The following MTDH variants were observed in gnomAD, a reference collection of about 807,000 sequenced individuals.
MTDH encodes the protein protein LYRIC.
A neutral mutation model predicts 72.7 loss-of-function variants in MTDH; 34 were observed. That is an observed-to-expected ratio of 0.47 (90% CI 0.36 to 0.62). The LOEUF (loss-of-function observed/expected upper bound fraction) is 0.62, where lower values mean the gene tolerates loss of function less well. MTDH is among the 20% of genes least tolerant of loss of function. The probability of loss-of-function intolerance (pLI) is 0.00; values close to 1 mark genes in which losing one functional copy is unlikely to be tolerated. For missense variants in MTDH, 677 were observed against 699.4 expected, an observed-to-expected ratio of 0.97 and a Z score of 0.36; for synonymous variants, 266 against 268.9, an observed-to-expected ratio of 0.99 and a Z score of 0.10.
intron 2 of MTDH, among the ~76,000 whole-genome samples, chr8:97,664,652 T>C (rs1812306311): frequency 6.6e-6 from 1 of 152,210 alleles, no homozygotes; most frequent in South Asian, 2.1e-4. Flanking sequence ...TTGCACTATG[T>C]GTGTATTGCG....
chr8:97,660,181 T>A (rs1812123980), intron 1 of MTDH, among the ~76,000 whole-genome samples: 1 of 152,134 alleles, frequency 6.6e-6, no homozygotes, highest in Non-Finnish European at 1.5e-5. Flanking sequence ...AAAAAAAGAA[T>A]GATTCTGGTT....
intron 9 of MTDH, among the ~76,000 whole-genome samples, chr8:97,714,237 C>T (rs1435066309): frequency 3.3e-5 from 5 of 152,170 alleles, no homozygotes; most frequent in African/African-American, 1.2e-4. Flanking sequence ...CTTTCCATCA[C>T]TCATACATTT....
chr8:97,668,013 C>T (rs544878278), intron 2 of MTDH, among the ~76,000 whole-genome samples: 157 of 151,588 alleles, frequency 1.0e-3, no homozygotes, highest in African/African-American at 3.6e-3. Context: ...TACCGCCAGG[C>T]GCGGTGGCTC....
intron 1 of MTDH, among the ~76,000 whole-genome samples, chr8:97,647,226 A>G (rs1280453500): frequency 6.6e-6 from 1 of 152,162 alleles, no homozygotes; most frequent in Non-Finnish European, 1.5e-5. Flanking sequence ...CTCCCCAGGG[A>G]GCTTTTTGTT....
chr8:97,706,072 G>A (rs1814339346), intron 7 of MTDH, among the ~76,000 whole-genome samples: 2 of 152,158 alleles, frequency 1.3e-5, no homozygotes, highest in Non-Finnish European at 2.9e-5. Flanking sequence ...AAAAATATAA[G>A]AAAGTACAGG....
intron 1 of MTDH, among the ~76,000 whole-genome samples, chr8:97,658,466 C>T (rs761086941): frequency 2.0e-5 from 3 of 152,174 alleles, no homozygotes; most frequent in Non-Finnish European, 4.4e-5. Flanking sequence ...ATATTGTTTG[C>T]AGTTGTTCTC....
intron 1 of MTDH, among the ~76,000 whole-genome samples, chr8:97,646,832 T>G (rs1811581876): frequency 6.6e-6 from 1 of 152,174 alleles, no homozygotes; most frequent in Non-Finnish European, 1.5e-5. Context: ...TGAGGAAGTA[T>G]CCTTATCTAC....
intron 11 of MTDH, 118 bp from the exon 12 acceptor site, chr8:97,724,482 A>G (rs911125337): frequency 1.5e-6 from 1 of 679,206 alleles, no homozygotes; most frequent in Admixed American, 3.1e-5. Flanking sequence ...AAACTTAAAC[A>G]TAAAATTTGA....
At chr8:97,690,466 G>A (rs1044399624) in intron 5 of MTDH, among the ~76,000 whole-genome samples, 6 of 152,178 alleles carry the variant, frequency 3.9e-5, no homozygotes, top group Admixed American at 1.3e-4. Context: ...GTATTTGTGT[G>A]TGTGTACATA....
intron 2 of MTDH, among the ~76,000 whole-genome samples, chr8:97,682,750 T>TA (rs202070289): frequency 0.036 from 5,494 of 151,566 alleles, 300 homozygotes; most frequent in African/African-American, 0.12. Context: ...TCTCCCTTCT[T>TA]AAAAAAAAAT....
intron 6 of MTDH, among the ~76,000 whole-genome samples, chr8:97,692,364 A>G (rs1160264530): frequency 6.6e-6 from 1 of 151,684 alleles, no homozygotes; most frequent in African/African-American, 2.4e-5. Context: ...CATATTATTC[A>G]AGAAGTAATT....
chr8:97,714,910 C>A (rs1814798235), intron 9 of MTDH, among the ~76,000 whole-genome samples: 1 of 151,878 alleles, frequency 6.6e-6, no homozygotes, highest in African/African-American at 2.4e-5. Context: ...ATTGCAGCCT[C>A]TGCCTCCCAG....
intron 2 of MTDH, among the ~76,000 whole-genome samples, chr8:97,682,477 T>A (rs1813177288): frequency 6.7e-6 from 1 of 150,112 alleles, no homozygotes; most frequent in South Asian, 2.1e-4. Context: ...TTTTATTATT[T>A]TTAGTAGAGA....
intron 6 of MTDH, among the ~76,000 whole-genome samples, chr8:97,696,762 T>TA (rs1813848196): frequency 6.6e-6 from 1 of 152,134 alleles, no homozygotes; most frequent in Admixed American, 6.5e-5. Context: ...AATTCTGCAT[T>TA]ACTTAAATGG....
At chr8:97,696,674 TCA>T in intron 6 of MTDH, among the ~76,000 whole-genome samples, 1 of 152,176 alleles carries the variant, frequency 6.6e-6, no homozygotes, top group Non-Finnish European at 1.5e-5. Context: ...ACTAACCCTT[TCA>T]GGTTATGGAT....
chr8:97,693,750 C>G (rs910315571), intron 6 of MTDH, among the ~76,000 whole-genome samples: 2 of 152,184 alleles, frequency 1.3e-5, no homozygotes, highest in African/African-American at 4.8e-5. Flanking sequence ...GGGTCGTACT[C>G]TGTTGTCCAG....
Position 97,719,276 on chromosome 8 carries a change from T to C in MTDH, c.1521+87T>C, listed in dbSNP as rs1182759546. The C allele has an allele frequency of 1.8e-5, 25 of 1,402,210 alleles. 1 individual carries two copies. The highest frequency in any genetic ancestry group is 3.8e-4 in the Middle Eastern group (2 of 5,332). 86.9% of individuals were successfully genotyped at this position (1,402,210 alleles called of 1,614,324 possible). A position where few individuals can be genotyped will look rare whatever the true frequency, so the allele number is the denominator to read the frequency against. ...TTGAGAGGCCAAGGTGGGCAGGTCA[T>C]GAGGTCAGGAGTTCAAGAGCAGCCT... On this transcript the variant is annotated intron_variant, in intron 10 of 11. Coordinates refer to ENST00000336273, the MANE Select transcript of MTDH (RefSeq NM_178812.4).
intron 9 of MTDH, among the ~76,000 whole-genome samples, chr8:97,715,280 A>G (rs995863478): frequency 6.6e-6 from 1 of 151,556 alleles, no homozygotes; most frequent in Non-Finnish European, 1.5e-5. Context: ...GGCATGAGCC[A>G]CCACACCCAG....
intron 4 of MTDH, among the ~76,000 whole-genome samples, chr8:97,688,312 T>A (rs1370179534): frequency 6.6e-6 from 1 of 152,216 alleles, no homozygotes; most frequent in Non-Finnish European, 1.5e-5. Flanking sequence ...ACACCTCAGT[T>A]GTTTCCAAAC....
Sources: allele counts gnomAD v4.1 joint callset (sites outside exome capture counted in the v4.1 genomes callset), GRCh38; gene constraint gnomAD v4.1.1; transcripts MANE v1.5; gene names NCBI Gene and HGNC (gene_info 2026-07-23, HGNC 2026-07-21).